Variants in DLGAP2 observed in about 807,000 individuals in gnomAD.
The protein encoded by DLGAP2 is disks large-associated protein 2.
Under a neutral mutation model 100.3 loss-of-function variants are expected in DLGAP2, and 26 were observed. That is an observed-to-expected ratio of 0.26 (90% confidence interval 0.19 to 0.36). DLGAP2 has a LOEUF of 0.36. Ranked by LOEUF, DLGAP2 falls within the 10% of genes least tolerant of loss-of-function variation. The pLI is 1.00. For missense variants in DLGAP2, 1,858 were observed against 1,453.2 expected (o/e 1.28, Z -4.53); for synonymous variants, 886 against 630.1 (o/e 1.41, Z -6.08).
chr8:1,588,382 C>T (rs192681020), intron 6 of DLGAP2, among the ~76,000 whole-genome samples: 1 of 152,264 alleles, frequency 6.6e-6, no homozygotes, highest in East Asian at 1.9e-4. Flanking sequence ...GAACCCGGTG[C>T]TAACCTTGAA....
At chr8:1,572,734 A>G (rs1298226173) in intron 6 of DLGAP2, among the ~76,000 whole-genome samples, 2 of 62,574 alleles carry the variant, frequency 3.2e-5, no homozygotes, top group South Asian at 8.8e-4. Flanking sequence ...AGAGAGGGTG[A>G]ACTGTGGGGG....
At chr8:1,147,005 T>G (rs1342532677) in intron 2 of DLGAP2, among the ~76,000 whole-genome samples, 1 of 152,148 alleles carries the variant, frequency 6.6e-6, no homozygotes, top group East Asian at 1.9e-4. Flanking sequence ...TTTTAAAATC[T>G]GCCTCTCAGT....
chr8:901,209 C>G (rs571728115), intron 1 of DLGAP2, among the ~76,000 whole-genome samples: 1 of 152,190 alleles, frequency 6.6e-6, no homozygotes, highest in Non-Finnish European at 1.5e-5. Flanking sequence ...ATTGCTTGAG[C>G]TGAGCCCAGG....
intron 2 of DLGAP2, among the ~76,000 whole-genome samples, chr8:1,062,499 G>A (rs1803115568): frequency 6.6e-6 from 1 of 152,160 alleles, no homozygotes; most frequent in East Asian, 1.9e-4. Context: ...GTAAGTCAAG[G>A]ATGACTCATT....
chr8:1,479,140 A>G (rs756316319), intron 3 of DLGAP2, among the ~76,000 whole-genome samples: 9 of 152,270 alleles, frequency 5.9e-5, no homozygotes, highest in South Asian at 2.1e-4. Flanking sequence ...GACAGCAGCC[A>G]GCAGGCCAGT....
chr8:1,575,963 A>G (rs1361889132), intron 6 of DLGAP2, among the ~76,000 whole-genome samples: 2 of 152,218 alleles, frequency 1.3e-5, no homozygotes, highest in East Asian at 3.9e-4. Context: ...CATGATTTAT[A>G]GTCCTTCCGG....
chr8:1,519,251 G>A (rs1026413699), intron 4 of DLGAP2, among the ~76,000 whole-genome samples: 21 of 152,080 alleles, frequency 1.4e-4, no homozygotes, highest in South Asian at 8.3e-4. Context: ...TTTACGCAGC[G>A]GCATGTCCCA....
chr8:1,685,035 G>A (rs1349633548), intron 12 of DLGAP2, among the ~76,000 whole-genome samples: 1 of 152,140 alleles, frequency 6.6e-6, no homozygotes, highest in African/African-American at 2.4e-5. Context: ...TGCTCACTAA[G>A]TTCTCCTTTT....
intron 1 of DLGAP2, among the ~76,000 whole-genome samples, chr8:888,603 CTTT>C (rs776447098): frequency 7.3e-6 from 1 of 136,940 alleles, no homozygotes; most frequent in Non-Finnish European, 1.6e-5. Context: ...TCACTTTCTG[CTTT>C]TTTTTTTTTT....
chr8:1,661,538 G>A (rs912036095), intron 8 of DLGAP2, among the ~76,000 whole-genome samples: 2 of 152,186 alleles, frequency 1.3e-5, no homozygotes, highest in Non-Finnish European at 2.9e-5. Flanking sequence ...TAAAATTAGA[G>A]GTTTATATAG....
Position 1,514,130 on chromosome 8 carries a change from G to T in DLGAP2, c.172+12699G>T, listed in dbSNP as rs568415254. Among the ~76,000 whole-genome samples the T allele has an allele frequency of 1.4e-4, 21 of 152,374 alleles. 1 individual carries two copies. In the South Asian group the frequency reaches 4.1e-3, roughly 30 times the overall value. On this transcript the variant is annotated intron_variant, in intron 4 of 14. Coordinates refer to ENST00000637795, the MANE Select transcript of DLGAP2 (RefSeq NM_001346810.2). ...CTTGTGGCCACACGAGCAGCCCCAG[G>T]TGAAGCAAAGCCTGCACCCAATTAG...
intron 4 of DLGAP2, among the ~76,000 whole-genome samples, chr8:1,529,824 C>T (rs1447955808): frequency 6.6e-6 from 1 of 152,192 alleles, no homozygotes; most frequent in African/African-American, 2.4e-5. Flanking sequence ...AATTTTAAAG[C>T]TGGGCATCCG....
intron 2 of DLGAP2, among the ~76,000 whole-genome samples, chr8:1,119,934 C>T (rs1266147856): frequency 1.3e-5 from 2 of 152,168 alleles, no homozygotes; most frequent in African/African-American, 2.4e-5. Flanking sequence ...GTTGGGAAGA[C>T]CCTTTCTGGA....
At chr8:1,507,009 C>G (rs182302106) in intron 4 of DLGAP2, among the ~76,000 whole-genome samples, 66 of 152,348 alleles carry the variant, frequency 4.3e-4, no homozygotes, top group African/African-American at 1.6e-3. Flanking sequence ...AAACCTTTTG[C>G]TAGACACAGA....
At chr8:1,258,492 C>T (rs1488365288) in intron 2 of DLGAP2, among the ~76,000 whole-genome samples, 1 of 152,024 alleles carries the variant, frequency 6.6e-6, no homozygotes, top group Non-Finnish European at 1.5e-5. Context: ...GCATGCGGGG[C>T]TTAAAACCTG....
intron 4 of DLGAP2, among the ~76,000 whole-genome samples, chr8:1,533,709 A>C (rs1801062394): frequency 6.6e-6 from 1 of 152,178 alleles, no homozygotes; most frequent in Non-Finnish European, 1.5e-5. Context: ...ATAAAACTTC[A>C]AGTTGATAAA....
chr8:1,031,167 C>T (rs1801961110), intron 2 of DLGAP2, among the ~76,000 whole-genome samples: 1 of 152,068 alleles, frequency 6.6e-6, no homozygotes, highest in South Asian at 2.1e-4. Context: ...ATGATGCCGC[C>T]TGTGCCTCAC....
chr8:1,152,109 G>GT (rs1325836997), intron 2 of DLGAP2, among the ~76,000 whole-genome samples: 1 of 152,210 alleles, frequency 6.6e-6, no homozygotes, highest in Admixed American at 6.5e-5. Flanking sequence ...GGCACAGTAT[G>GT]TGTTCAAATA....
chr8:771,052 C>T (rs1377521742), intron 1 of DLGAP2, among the ~76,000 whole-genome samples: 1 of 152,118 alleles, frequency 6.6e-6, no homozygotes, highest in Non-Finnish European at 1.5e-5. Context: ...TGCCTTCCAG[C>T]TCCATTTCTC....
Sources: allele counts gnomAD v4.1 joint callset (sites outside exome capture counted in the v4.1 genomes callset), GRCh38; gene constraint gnomAD v4.1.1; transcripts MANE v1.5; gene names NCBI Gene and HGNC (gene_info 2026-07-23, HGNC 2026-07-21).